The following TFEC variants were observed in gnomAD, a reference collection of about 807,000 sequenced individuals.
TFEC encodes transcription factor EC.
Under a neutral mutation model 41.6 loss-of-function variants are expected in TFEC, and 31 were observed. The ratio of observed to expected loss-of-function variants is 0.74; its 90% confidence interval spans 0.56 to 1.01. The LOEUF is 1.01. Among genes scored for constraint, TFEC ranks in the 50% least tolerant of loss-of-function variants. The probability of loss-of-function intolerance (pLI) is 0.00; values close to 1 mark genes in which losing one functional copy is unlikely to be tolerated. For missense variants in TFEC, 402 were observed against 404.1 expected (o/e 0.99, Z 0.04); for synonymous variants, 143 against 140.6 (o/e 1.02, Z -0.12).
chr7:116,052,788 G>T (rs1474270240), intron 3 of TFEC, among the ~76,000 whole-genome samples: 1 of 151,582 alleles, frequency 6.6e-6, no homozygotes, highest in Non-Finnish European at 1.5e-5. Flanking sequence ...ATGTCATGGG[G>T]GCCGGGCGCA....
intron 1 of TFEC, among the ~76,000 whole-genome samples, chr7:116,113,666 T>C (rs1797906489): frequency 6.6e-6 from 1 of 152,046 alleles, no homozygotes; most frequent in Admixed American, 6.6e-5. Context: ...AGCTTTTTAC[T>C]AAGATTCTTA....
chr7:116,013,649 T>A (rs1433623787), intron 1 of TFEC, among the ~76,000 whole-genome samples: 1 of 152,164 alleles, frequency 6.6e-6, no homozygotes, highest in Non-Finnish European at 1.5e-5. Flanking sequence ...GTATTTTGAT[T>A]GTAATAGGGT....
intron 7 of TFEC, chr7:115,941,206 A>T: frequency 3.4e-6 from 1 of 290,964 alleles, no homozygotes; most frequent in South Asian, 9.8e-5. Context: ...TCAGACTACA[A>T]TATAGCCATT....
intron 1 of TFEC, among the ~76,000 whole-genome samples, chr7:115,993,397 G>A (rs1794214677): frequency 6.6e-6 from 1 of 152,098 alleles, no homozygotes; most frequent in African/African-American, 2.4e-5. Flanking sequence ...TATTCAATTA[G>A]GAAAAGAGGA....
At chr7:115,978,969 C>T (rs374352950) in intron 2 of TFEC, among the ~76,000 whole-genome samples, 30 of 152,264 alleles carry the variant, frequency 2.0e-4, no homozygotes, top group Admixed American at 7.2e-4. Context: ...AAAGACCATC[C>T]GTATGCTGAC....
intron 6 of TFEC, among the ~76,000 whole-genome samples, chr7:115,946,257 G>T (rs1213664535): frequency 6.6e-6 from 1 of 150,928 alleles, no homozygotes; most frequent in Non-Finnish European, 1.5e-5. Context: ...GAGCTCTTCA[G>T]ACCCTAAATG....
At chr7:115,951,626 A>C (rs1791948848) in intron 5 of TFEC, among the ~76,000 whole-genome samples, 1 of 152,094 alleles carries the variant, frequency 6.6e-6, no homozygotes, top group Non-Finnish European at 1.5e-5. Context: ...ACACTTAAAG[A>C]TTCTAATTTT....
At chr7:116,110,203 T>C (rs1435957745) in intron 3 of TFEC, among the ~76,000 whole-genome samples, 1 of 152,208 alleles carries the variant, frequency 6.6e-6, no homozygotes, top group African/African-American at 2.4e-5. Flanking sequence ...TGTGCACATG[T>C]ACCCTAGAAC....
chr7:115,984,700 A>C (rs1211484650), intron 1 of TFEC, among the ~76,000 whole-genome samples, 187 bp from the exon 2 acceptor site: 1 of 152,188 alleles, frequency 6.6e-6, no homozygotes, highest in Non-Finnish European at 1.5e-5. Context: ...TTAAGAAGTA[A>C]TTTAAACTTT....
intron 2 of TFEC, among the ~76,000 whole-genome samples, chr7:115,982,483 G>T (rs954633811): frequency 1.3e-5 from 2 of 152,194 alleles, no homozygotes; most frequent in African/African-American, 4.8e-5. Context: ...ATCAAAGATA[G>T]TAAGTCTGTG....
intron 1 of TFEC, among the ~76,000 whole-genome samples, chr7:116,153,774 A>T (rs928611709): frequency 1.3e-5 from 2 of 152,042 alleles, no homozygotes; most frequent in African/African-American, 4.8e-5. Context: ...GACACTGCAT[A>T]AAAAAAAGAT....
intron 3 of TFEC, among the ~76,000 whole-genome samples, chr7:116,093,445 A>T (rs939588849): frequency 2.0e-5 from 3 of 152,158 alleles, no homozygotes; most frequent in African/African-American, 7.2e-5. Flanking sequence ...GAAAAACTGA[A>T]AATGCAAAAT....
At chr7:116,114,850 G>A (rs1404855037) in intron 1 of TFEC, among the ~76,000 whole-genome samples, 1 of 151,916 alleles carries the variant, frequency 6.6e-6, no homozygotes, top group African/African-American at 2.4e-5. Flanking sequence ...GCTAGGAAGG[G>A]ACATTGAAAC....
chr7:116,062,309 T>G (rs1796581735), intron 3 of TFEC, among the ~76,000 whole-genome samples: 1 of 136,024 alleles, frequency 7.4e-6, no homozygotes, highest in Non-Finnish European at 1.5e-5. Context: ...TCTCAAACTC[T>G]TCACCTCAAG....
intron 2 of TFEC, among the ~76,000 whole-genome samples, chr7:115,976,068 C>T (rs79473661): frequency 0.01 from 1,551 of 152,152 alleles, 14 homozygotes; most frequent in Middle Eastern, 0.024. Flanking sequence ...CTACTAAATA[C>T]GTGAAATGTG....
chr7:116,154,382 T>C (rs1454518648), intron 1 of TFEC, among the ~76,000 whole-genome samples: 1 of 152,178 alleles, frequency 6.6e-6, no homozygotes, highest in Non-Finnish European at 1.5e-5. Flanking sequence ...ACTGAGCTCC[T>C]ATTCAAAATC....
rs917156196 is a variant in TFEC at position 115,935,188 on chromosome 7, G to T, written c.*5363C>A. On this transcript the variant is annotated 3_prime_UTR_variant, in exon 8 of 8. Transcript: ENST00000265440. ...TAGTCTTTCATTTAATATATGCAAA[G>T]AAAATATTGGTACATTTTAAGGTAT... is the stretch of plus-strand genomic sequence containing the variant. 1 of 151,718 alleles carries T rather than the reference G, an allele frequency of 6.6e-6. No homozygotes were observed. Among genetic ancestry groups the T allele is most frequent in the Non-Finnish European group, 1.5e-5 (1 of 67,598 alleles). 9.4% of individuals were successfully genotyped at this position (151,718 alleles called of 1,614,324 possible). A position where few individuals can be genotyped will look rare whatever the true frequency, so the allele number is the denominator to read the frequency against.
chr7:116,091,882 G>A (rs147228719), intron 3 of TFEC, among the ~76,000 whole-genome samples: 3 of 151,634 alleles, frequency 2.0e-5, no homozygotes, highest in Admixed American at 2.0e-4. Flanking sequence ...GGAAAAAGAA[G>A]TAGTAAGATA....
chr7:116,113,741 A>T (rs996308436), intron 1 of TFEC, among the ~76,000 whole-genome samples: 3 of 152,052 alleles, frequency 2.0e-5, no homozygotes. Flanking sequence ...AAAGTTGCTA[A>T]AATTGCCATT....
Sources: gnomAD v4.1 joint callset for allele counts (sites outside exome capture counted in the v4.1 genomes callset) on GRCh38, gnomAD v4.1.1 for gene constraint, MANE v1.5 for transcripts, NCBI Gene and HGNC (gene_info 2026-07-23, HGNC 2026-07-21) for gene names.